Variants in PAG1 observed in about 807,000 individuals in gnomAD.
The protein encoded by PAG1 is phosphoprotein membrane anchor with glycosphingolipid microdomains 1.
Under a neutral mutation model 31.7 loss-of-function variants are expected in PAG1, and 23 were observed. That is an observed-to-expected ratio of 0.73 (90% confidence interval 0.52 to 1.03). PAG1 has a LOEUF of 1.03. Ranked by LOEUF, PAG1 falls within the 50% of genes least tolerant of loss-of-function variation. The pLI is 0.00. For synonymous variants in PAG1, 214 were observed against 210.3 expected, an observed-to-expected ratio of 1.02 and a Z score of -0.15; for missense variants, 473 against 540.7, an observed-to-expected ratio of 0.87 and a Z score of 1.24.
At chr8:81,033,018 A>C (rs1808401307) in intron 2 of PAG1, among the ~76,000 whole-genome samples, 1 of 152,228 alleles carries the variant, frequency 6.6e-6, no homozygotes, top group African/African-American at 2.4e-5. Flanking sequence ...AGGCAAATAC[A>C]TAGAGATAGA....
At chr8:81,058,717 A>C (rs779866441) in intron 2 of PAG1, 1 of 151,722 alleles carries the variant, frequency 6.6e-6, no homozygotes, top group Non-Finnish European at 1.5e-5. Flanking sequence ...AGCAATATAG[A>C]AAGACCCTGT....
chr8:81,105,901 G>A (rs1431228494), intron 1 of PAG1, among the ~76,000 whole-genome samples: 1 of 152,168 alleles, frequency 6.6e-6, no homozygotes, highest in African/African-American at 2.4e-5. Flanking sequence ...TGCTGATTTA[G>A]TCACACCTTT....
chr8:81,074,005 C>T (rs1466500236), intron 1 of PAG1, among the ~76,000 whole-genome samples: 3 of 152,190 alleles, frequency 2.0e-5, no homozygotes, highest in East Asian at 1.9e-4. Context: ...GGTGCTTCCA[C>T]ACCCACTGAG....
intron 3 of PAG1, among the ~76,000 whole-genome samples, chr8:81,026,666 G>A (rs1195861885): frequency 6.6e-6 from 1 of 152,012 alleles, no homozygotes; most frequent in Non-Finnish European, 1.5e-5. Flanking sequence ...AAATTCCGCA[G>A]GAAAGGAACA....
chr8:81,091,530 C>T (rs894599966), intron 1 of PAG1, among the ~76,000 whole-genome samples: 27 of 152,094 alleles, frequency 1.8e-4, no homozygotes, highest in African/African-American at 5.8e-4. Context: ...TGCTCCTAGG[C>T]TACAAACCTG....
rs143995953 is a variant in PAG1, at chr8:80,979,275, T to G, written c.936+1160A>C. On this transcript the variant is annotated intron_variant, in intron 8 of 8. Coordinates refer to ENST00000220597, the MANE Select transcript of PAG1 (RefSeq NM_018440.4). ...CCTTCTTGTCCCAGATGGGATCACT[T>G]TGGCTGCAGAGTAGAAAACAGAGTG... Among the ~76,000 whole-genome samples the G allele has an allele frequency of 5.3e-5, 8 of 152,320 alleles. No individual in the cohort carries two copies. In the South Asian group the frequency reaches 6.2e-4, roughly 12 times the overall value.
Position 81,079,303 on chromosome 8 carries a change from C to T in PAG1, c.-233-9133G>A, listed in dbSNP as rs538206876. Among the ~76,000 whole-genome samples the T allele has an allele frequency of 2.0e-5, 3 of 152,246 alleles. No homozygotes were observed. The East Asian group carries it at 5.8e-4, about 29-fold the overall frequency. ...AACACCACTCACGCAAACAAGGCAG[C>T]CTCCAGTCATCTACTCCTCGACTGG... is the stretch of plus-strand genomic sequence containing the variant. On this transcript the variant is annotated intron_variant, in intron 1 of 8. Transcript: ENST00000220597.
chr8:81,091,293 C>CA (rs1209037037), intron 1 of PAG1, among the ~76,000 whole-genome samples: 1 of 152,034 alleles, frequency 6.6e-6, no homozygotes, highest in Non-Finnish European at 1.5e-5. Context: ...TTTCATATAG[C>CA]AAAAATTCAT....
At chr8:81,007,493 C>T (rs1334010384) in intron 3 of PAG1, among the ~76,000 whole-genome samples, 2 of 146,930 alleles carry the variant, frequency 1.4e-5, no homozygotes, top group African/African-American at 2.5e-5. Flanking sequence ...AAATAGTAGA[C>T]GGGTGTGGTG....
intron 8 of PAG1, among the ~76,000 whole-genome samples, chr8:80,979,259 C>T (rs1364633496): frequency 1.3e-5 from 2 of 152,186 alleles, no homozygotes; most frequent in Admixed American, 1.3e-4. Context: ...ACCTTCTTGT[C>T]CCAGATGGGA....
chr8:81,101,645 GATAAAC>G (rs1262720477), intron 1 of PAG1, among the ~76,000 whole-genome samples: 4 of 152,124 alleles, frequency 2.6e-5, no homozygotes, highest in South Asian at 2.1e-4. Flanking sequence ...TGCGCCTACT[GATAAAC>G]ATAAACAGGC....
chr8:81,098,349 T>G (rs900705724), intron 1 of PAG1, among the ~76,000 whole-genome samples: 3 of 152,254 alleles, frequency 2.0e-5, no homozygotes, highest in African/African-American at 7.2e-5. Context: ...ACTTCTGAGC[T>G]GTGTGGGTCC....
chr8:81,082,909 T>C (rs890453272), intron 1 of PAG1, among the ~76,000 whole-genome samples: 3 of 152,192 alleles, frequency 2.0e-5, no homozygotes, highest in Non-Finnish European at 4.4e-5. Context: ...CTCTGTTGAC[T>C]GCTTTTTTTT....
intron 3 of PAG1, among the ~76,000 whole-genome samples, chr8:81,003,555 T>C (rs1331965300): frequency 6.6e-6 from 1 of 152,194 alleles, no homozygotes; most frequent in African/African-American, 2.4e-5. Context: ...ATCGGGTACA[T>C]TGCTGCTACG....
chr8:81,024,677 T>C (rs889851954), intron 3 of PAG1, among the ~76,000 whole-genome samples: 3 of 152,200 alleles, frequency 2.0e-5, no homozygotes, highest in African/African-American at 7.2e-5. Context: ...CTGGGAACAG[T>C]TGTTTCTTTT....
At chr8:80,982,702 C>G (rs377281654) in intron 7 of PAG1, among the ~76,000 whole-genome samples, 5 of 152,188 alleles carry the variant, frequency 3.3e-5, no homozygotes, top group Non-Finnish European at 2.9e-5. Context: ...GGTTCTCCCC[C>G]CAAAACCTGC....
chr8:80,985,199 C>T lies in PAG1; in HGVS notation c.453G>A (p.Val151=). 1 of 1,614,120 alleles carries T rather than the reference C, an allele frequency of 6.2e-7. No homozygotes were observed. Among genetic ancestry groups the T allele is most frequent in the Non-Finnish European group, 8.5e-7 (1 of 1,180,030 alleles). The change falls in exon 7 of 9, where the codon GTG becomes GTA. Residue 151 remains valine, a synonymous_variant. Coordinates refer to ENST00000220597, the MANE Select transcript of PAG1 (RefSeq NM_018440.4). ...AVDTMLTARS[V]DGDQGLGMEG... is the part of the protein sequence containing the mutation. ...CCATCCCCAGCCCCTGGTCCCCGTC[C>T]ACACTTCTCGCCGTGAGCATGGTAT...
chr8:81,000,437 C>T (rs1458225335), intron 3 of PAG1, among the ~76,000 whole-genome samples: 2 of 151,780 alleles, frequency 1.3e-5, no homozygotes, highest in Non-Finnish European at 2.9e-5. Context: ...TTTTTTGAGA[C>T]AGCATCTTCC....
chr8:81,098,196 C>T (rs902553724), intron 1 of PAG1, among the ~76,000 whole-genome samples: 2 of 152,150 alleles, frequency 1.3e-5, no homozygotes, highest in African/African-American at 4.8e-5. Context: ...CAATGGAAAT[C>T]TGGAAATTAA....
Sources: gnomAD v4.1 joint callset for allele counts (sites outside exome capture counted in the v4.1 genomes callset) on GRCh38, gnomAD v4.1.1 for gene constraint, MANE v1.5 for transcripts, NCBI Gene and HGNC (gene_info 2026-07-23, HGNC 2026-07-21) for gene names.